The following TBC1D14 variants were observed in gnomAD, a reference collection of about 807,000 sequenced individuals.
The protein encoded by TBC1D14 is TBC1 domain family, member 14.
Under a neutral mutation model 79.0 loss-of-function variants are expected in TBC1D14, and 26 were observed. That is an observed-to-expected ratio of 0.33 (90% CI 0.24 to 0.46). The LOEUF (loss-of-function observed/expected upper bound fraction) is 0.46. TBC1D14 is among the 20% of genes least tolerant of loss of function. The pLI is 1.00. For missense variants in TBC1D14, 769 were observed against 887.6 expected, an observed-to-expected ratio of 0.87 and a Z score of 1.70; for synonymous variants, 394 against 349.9, an observed-to-expected ratio of 1.13 and a Z score of -1.40.
intron 2 of TBC1D14, among the ~76,000 whole-genome samples, chr4:6,938,156 C>G (rs908464113): frequency 3.3e-5 from 5 of 152,144 alleles, no homozygotes; most frequent in African/African-American, 9.7e-5. Flanking sequence ...AAGAGCCTCC[C>G]CATTTGTGAA....
At chr4:7,023,840 C>A (rs898897349) in intron 12 of TBC1D14, among the ~76,000 whole-genome samples, 2 of 152,252 alleles carry the variant, frequency 1.3e-5, no homozygotes, top group South Asian at 2.1e-4. Flanking sequence ...CACACAGCGC[C>A]CGGTGTGCGC....
intron 3 of TBC1D14, among the ~76,000 whole-genome samples, chr4:6,987,855 C>A (rs1718038277): frequency 6.6e-6 from 1 of 152,206 alleles, no homozygotes; most frequent in South Asian, 2.1e-4. Flanking sequence ...CATTCACCAG[C>A]CCGCATATTA....
chr4:7,025,643 C>A (rs373994889), intron 13 of TBC1D14, among the ~76,000 whole-genome samples: 1 of 152,218 alleles, frequency 6.6e-6, no homozygotes, highest in Non-Finnish European at 1.5e-5. Context: ...CTTACTGAGC[C>A]CCGTGGCCAT....
chr4:6,918,586 T>C (rs1247726581), intron 1 of TBC1D14, among the ~76,000 whole-genome samples: 1 of 152,168 alleles, frequency 6.6e-6, no homozygotes, highest in African/African-American at 2.4e-5. Context: ...AAGAGGGAAG[T>C]TGAGGCTCAG....
intron 9 of TBC1D14, 108 bp downstream of exon 9, chr4:7,006,834 G>A (rs1413590583): frequency 4.6e-6 from 4 of 865,298 alleles, no homozygotes; most frequent in Non-Finnish European, 7.3e-6. Flanking sequence ...GTTTTTGGGG[G>A]TGTTAGGAGG....
At chr4:6,979,634 C>T (rs1412025479) in intron 3 of TBC1D14, among the ~76,000 whole-genome samples, 1 of 152,010 alleles carries the variant, frequency 6.6e-6, no homozygotes, top group Non-Finnish European at 1.5e-5. Context: ...AAACACAAAA[C>T]CATAGACCCA....
At chr4:6,924,181 A>C in intron 2 of TBC1D14, 70 bp downstream of exon 2, 38 of 1,509,590 alleles carry the variant, frequency 2.5e-5, no homozygotes, top group Non-Finnish European at 3.1e-5. Flanking sequence ...TTCCTGTCTC[A>C]AATGTGTTGT....
intron 12 of TBC1D14, among the ~76,000 whole-genome samples, chr4:7,024,200 A>T (rs540651084): frequency 6.6e-6 from 1 of 152,140 alleles, no homozygotes; most frequent in African/African-American, 2.4e-5. Flanking sequence ...TCAGGGTCAC[A>T]CTGTGGAAGC....
At chr4:6,979,565 G>T (rs1221322253) in intron 3 of TBC1D14, among the ~76,000 whole-genome samples, 1 of 152,044 alleles carries the variant, frequency 6.6e-6, no homozygotes, top group African/African-American at 2.4e-5. Context: ...AGGTTACAGT[G>T]AACTGATTTT....
chr4:7,008,702 C>T (rs1257898459), intron 9 of TBC1D14, among the ~76,000 whole-genome samples: 4 of 152,240 alleles, frequency 2.6e-5, no homozygotes, highest in South Asian at 2.1e-4. Flanking sequence ...TGAGCCACTG[C>T]GCCCAGCCGC....
intron 7 of TBC1D14, among the ~76,000 whole-genome samples, chr4:7,003,050 A>G (rs995012097): frequency 2.0e-5 from 3 of 152,272 alleles, no homozygotes; most frequent in Non-Finnish European, 4.4e-5. Flanking sequence ...TTGTGGTTGT[A>G]CAATTGAAAA....
Position 7,006,646 on chromosome 4 carries a change from G to A in TBC1D14, c.1366G>A (p.Ala456Thr). 6.2e-7 allele frequency: 1 copy of A among 1,613,884 alleles called. No homozygotes were observed. Among genetic ancestry groups the A allele is most frequent in the African/African-American group, 1.3e-5 (1 of 75,032 alleles). Residue 456 changes from alanine to threonine, a missense_variant, in exon 9 of 14, where the codon GCA becomes ACA. Ala to Thr is a moderately conservative substitution (Grantham distance 58). Transcript: ENST00000409757. Reference protein sequence around the residue: ...EVENEDAGFSAADREASLELI... With the variant: ...EVENEDAGFSTADREASLELI... ...TCTTTTGACAGATGCTGGTTTTTCA[G>A]CAGCAGACAGAGAAGCCAGTCTGGA...
intron 9 of TBC1D14, chr4:7,007,485 T>A (rs1720320170): frequency 1.6e-6 from 2 of 1,248,654 alleles, no homozygotes; most frequent in Non-Finnish European, 2.1e-6. Flanking sequence ...AGAATACCTT[T>A]GCACCTGTCC....
chr4:6,924,140 C>A, intron 2 of TBC1D14, 29 bp downstream of exon 2: 1 of 1,588,900 alleles, frequency 6.3e-7, no homozygotes, highest in South Asian at 1.1e-5. Context: ...TCTAGAAGAT[C>A]GTGGTGGTTG....
chr4:6,965,585 GTCAC>G (rs1715631473), intron 2 of TBC1D14, among the ~76,000 whole-genome samples: 1 of 152,164 alleles, frequency 6.6e-6, no homozygotes. Context: ...GTCTTGCTCT[GTCAC>G]TCAGACTGGT....
rs1723131062 is a variant in TBC1D14 at position 7,032,265 on chromosome 4, CT to C, written c.*1874del. 1 of 152,726 alleles carries C rather than the reference CT, an allele frequency of 6.5e-6. No homozygotes were observed. Among genetic ancestry groups the C allele is most frequent in the African/African-American group, 2.4e-5 (1 of 41,464 alleles). 9.5% of individuals were successfully genotyped at this position (152,726 alleles called of 1,614,324 possible). A position where few individuals can be genotyped will look rare whatever the true frequency, so the allele number is the denominator to read the frequency against. ...GGAGGGGCCGCCTGAGGCCTGTGCGCTGTTGTCCTCGCAGATGTACTTATTT... is the reference window on the plus strand; with the variant it reads ...GGAGGGGCCGCCTGAGGCCTGTGCGCGTTGTCCTCGCAGATGTACTTATTT... On this transcript the variant is annotated 3_prime_UTR_variant, in exon 14 of 14. Transcript: ENST00000409757.
chr4:6,999,041 A>G lies in TBC1D14; in HGVS notation c.1046-44A>G, dbSNP rs371830979. The G allele has an allele frequency of 7.0e-5, 111 of 1,587,880 alleles. 1 individual carries two copies. The East Asian group carries it at 2.3e-3, about 33-fold the overall frequency. On this transcript the variant is annotated intron_variant, in intron 5 of 13. Transcript: ENST00000409757. ...AAATCACCTTGCCTGGAAATGGTCC[A>G]TATCAGTTAGTAGATTGTTGTTTTT...
chr4:6,965,246 C>G (rs1715599723), intron 2 of TBC1D14, among the ~76,000 whole-genome samples: 1 of 152,116 alleles, frequency 6.6e-6, no homozygotes, highest in South Asian at 2.1e-4. Context: ...CAACCTCCGC[C>G]TCCTGGGTTC....
chr4:6,987,734 A>T (rs1038416830), intron 3 of TBC1D14, among the ~76,000 whole-genome samples: 2 of 152,164 alleles, frequency 1.3e-5, no homozygotes, highest in South Asian at 2.1e-4. Context: ...CTGCGATCCG[A>T]TGAGCCTTTG....
Sources: gnomAD v4.1 joint callset for allele counts (sites outside exome capture counted in the v4.1 genomes callset) on GRCh38, gnomAD v4.1.1 for gene constraint, MANE v1.5 for transcripts, NCBI Gene and HGNC (gene_info 2026-07-23, HGNC 2026-07-21) for gene names.